Variants in PDE4D observed in about 807,000 individuals in gnomAD.
PDE4D encodes the protein phosphodiesterase 4D, also known as 3',5'-cyclic-AMP phosphodiesterase 4D.
Under a neutral mutation model 87.4 loss-of-function variants are expected in PDE4D, and 24 were observed. That is an observed-to-expected ratio of 0.27 (90% CI 0.20 to 0.39). PDE4D has a LOEUF of 0.39. Among genes scored for constraint, PDE4D ranks in the 10% least tolerant of loss-of-function variants. The pLI is 1.00. For missense variants in PDE4D, 714 were observed against 1,041.0 expected, an observed-to-expected ratio of 0.69 and a Z score of 4.32; for synonymous variants, 384 against 383.2, an observed-to-expected ratio of 1.00 and a Z score of -0.02.
At position 60,475,364 on chromosome 5, in the gene PDE4D, C is replaced by T. The variant is rs374466876; in HGVS notation, c.-90+12578G>A. Among the ~76,000 whole-genome samples the T allele has an allele frequency of 3.3e-5, 5 of 152,058 alleles. No homozygotes were observed. The East Asian group carries it at 5.8e-4, about 18-fold the overall frequency. On this transcript the variant is annotated intron_variant, in intron 1 of 16. Coordinates refer to the PDE4D transcript ENST00000502484. The stretch of plus-strand genomic sequence containing the variant: ...TACAACTGGAGCTTAGGATCAAACA[C>T]TGAGATTTGGGGATTGCACATGTAG...
intron 5 of PDE4D, among the ~76,000 whole-genome samples, chr5:59,083,995 G>A (rs998938733): frequency 1.1e-4 from 17 of 151,890 alleles, no homozygotes; most frequent in African/African-American, 4.1e-4. Flanking sequence ...GTTTTTTTGG[G>A]GGGGACTTGA....
chr5:60,309,369 A>C (rs1396281279), intron 1 of PDE4D, among the ~76,000 whole-genome samples: 2 of 152,210 alleles, frequency 1.3e-5, no homozygotes, highest in African/African-American at 2.4e-5. Context: ...ACTGTTCACA[A>C]TGAGCCTAAC....
rs1491457154 is a variant in PDE4D at position 59,574,038 on chromosome 5, ATT to A, written c.455+319128_455+319129del. On this transcript the variant is annotated intron_variant, in intron 1 of 14. Transcript: ENST00000340635. ...TATATATATATATATAAAAATATAT[ATT>A]TATATATATTTATATATAAAAATAT... is the stretch of plus-strand genomic sequence containing the variant. Among the ~76,000 whole-genome samples, 292 of 107,198 alleles carry A rather than the reference ATT, an allele frequency of 2.7e-3. 8 individuals are homozygous for A. Among genetic ancestry groups the A allele is most frequent in the African/African-American group, 0.01 (256 of 25,260 alleles). The allele number at this position is 107,198 out of a possible 152,430, so 70.3% of individuals were successfully genotyped here. A position where few individuals can be genotyped will look rare whatever the true frequency, so the allele number is the denominator to read the frequency against.
chr5:60,450,589 G>A (rs1746022841), intron 1 of PDE4D, among the ~76,000 whole-genome samples: 1 of 152,036 alleles, frequency 6.6e-6, no homozygotes, highest in South Asian at 2.1e-4. Flanking sequence ...ACTTGTATCT[G>A]CAATTTACTT....
intron 1 of PDE4D, among the ~76,000 whole-genome samples, chr5:59,306,019 CTA>C (rs1384434352): frequency 6.6e-6 from 1 of 152,092 alleles, no homozygotes; most frequent in Non-Finnish European, 1.5e-5. Context: ...GTGTTGCTGT[CTA>C]TCTCATTTCT....
At chr5:59,203,180 C>CA (rs1454544083) in intron 2 of PDE4D, among the ~76,000 whole-genome samples, 7 of 151,636 alleles carry the variant, frequency 4.6e-5, no homozygotes, top group Non-Finnish European at 8.8e-5. Context: ...ACCTTCTCTA[C>CA]AAAAAAATTA....
intron 6 of PDE4D, among the ~76,000 whole-genome samples, chr5:59,005,450 C>G (rs371618910): frequency 3.3e-5 from 5 of 152,268 alleles, no homozygotes; most frequent in African/African-American, 1.2e-4. Flanking sequence ...AATCTCTGAG[C>G]CAAATTAAAA....
intron 5 of PDE4D, among the ~76,000 whole-genome samples, chr5:59,075,567 T>C (rs552842025): frequency 2.6e-5 from 4 of 152,130 alleles, no homozygotes; most frequent in African/African-American, 9.6e-5. Context: ...TTTATTAATA[T>C]ACTGCATTTC....
At chr5:60,325,125 T>C (rs1172043241) in intron 1 of PDE4D, among the ~76,000 whole-genome samples, 2 of 152,192 alleles carry the variant, frequency 1.3e-5, no homozygotes, top group Non-Finnish European at 2.9e-5. Flanking sequence ...ACCAAAATTC[T>C]CAATCACTTT....
At chr5:59,889,757 G>A (rs1025741214) in intron 1 of PDE4D, among the ~76,000 whole-genome samples, 5 of 152,084 alleles carry the variant, frequency 3.3e-5, no homozygotes, top group African/African-American at 1.2e-4. Flanking sequence ...AATCTGATAT[G>A]TACATTTTTA....
chr5:59,384,340 G>C (rs1786529098), intron 1 of PDE4D, among the ~76,000 whole-genome samples: 2 of 152,176 alleles, frequency 1.3e-5, no homozygotes, highest in African/African-American at 4.8e-5. Flanking sequence ...GTTGAATGGA[G>C]CCACGTGACT....
chr5:60,265,841 C>T (rs376601069), intron 1 of PDE4D, among the ~76,000 whole-genome samples: 12 of 152,254 alleles, frequency 7.9e-5, no homozygotes, highest in African/African-American at 2.6e-4. Flanking sequence ...CAGAGGAGAG[C>T]AAGGTGATTC....
At chr5:60,027,076 T>C (rs1766709238) in intron 2 of PDE4D, among the ~76,000 whole-genome samples, 1 of 152,062 alleles carries the variant, frequency 6.6e-6, no homozygotes, top group Admixed American at 6.5e-5. Context: ...CTCTCTTTTT[T>C]TCTTTTTAAT....
intron 1 of PDE4D, among the ~76,000 whole-genome samples, chr5:59,775,620 C>A (rs1764001135): frequency 6.6e-6 from 1 of 152,132 alleles, no homozygotes; most frequent in African/African-American, 2.4e-5. Context: ...ATTACAAACA[C>A]CAGACATTTA....
chr5:59,576,805 G>C (rs1246882632), intron 1 of PDE4D, among the ~76,000 whole-genome samples: 1 of 152,034 alleles, frequency 6.6e-6, no homozygotes, highest in East Asian at 1.9e-4. Flanking sequence ...AATCAAATCT[G>C]GCACAGATTA....
intron 1 of PDE4D, among the ~76,000 whole-genome samples, chr5:59,394,643 C>T (rs1042844508): frequency 4.6e-5 from 7 of 152,130 alleles, no homozygotes; most frequent in African/African-American, 1.7e-4. Flanking sequence ...TGAAAGATGG[C>T]ACTTTTCTAT....
intron 3 of PDE4D, among the ~76,000 whole-genome samples, chr5:59,962,973 C>T (rs1042197917): frequency 3.9e-5 from 6 of 152,144 alleles, no homozygotes; most frequent in Non-Finnish European, 7.4e-5. Context: ...CACAGAAATG[C>T]ACCAGCTCTG....
At chr5:59,875,460 C>CAAAAAAAAAAAA (rs3062667) in intron 1 of PDE4D, among the ~76,000 whole-genome samples, 41 of 39,704 alleles carry the variant, frequency 1.0e-3, no homozygotes, top group African/African-American at 3.9e-3. Context: ...ACCTCCGTCT[C>CAAAAAAAAAAAA]AAAAAAAAAA....
chr5:60,382,353 A>C (rs1191390357), intron 1 of PDE4D, among the ~76,000 whole-genome samples: 2 of 152,178 alleles, frequency 1.3e-5, no homozygotes, highest in African/African-American at 4.8e-5. Context: ...CAAAAGAAAG[A>C]TAACAATAAA....
Sources: gnomAD v4.1 joint callset for allele counts (sites outside exome capture counted in the v4.1 genomes callset) on GRCh38, gnomAD v4.1.1 for gene constraint, MANE v1.5 for transcripts, NCBI Gene and HGNC (gene_info 2026-07-23, HGNC 2026-07-21) for gene names.